The following ADAM12 variants were observed in gnomAD, a reference collection of about 807,000 sequenced individuals.
The protein encoded by ADAM12 is ADAM metallopeptidase domain 12, also known as disintegrin and metalloproteinase domain-containing protein 12.
In ADAM12, 70 loss-of-function variants were observed where a neutral mutation model predicts 106.4. That is an observed-to-expected ratio of 0.66 (90% CI 0.54 to 0.80). ADAM12 has a LOEUF of 0.80. Among genes scored for constraint, ADAM12 ranks in the 30% least tolerant of loss-of-function variants. The probability of loss-of-function intolerance (pLI) is 0.00; values close to 1 mark genes in which losing one functional copy is unlikely to be tolerated. For missense variants in ADAM12, 1,010 were observed against 1,171.9 expected, an observed-to-expected ratio of 0.86 and a Z score of 2.02; for synonymous variants, 420 against 433.5, an observed-to-expected ratio of 0.97 and a Z score of 0.39.
intron 8 of ADAM12, among the ~76,000 whole-genome samples, chr10:126,102,227 G>A (rs2133582561): frequency 6.6e-6 from 1 of 152,182 alleles, no homozygotes; most frequent in South Asian, 2.1e-4. Flanking sequence ...ATGGTTGAGG[G>A]GGCTAGGACA....
chr10:126,094,055 T>C lies in ADAM12; in HGVS notation c.1075A>G (p.Thr359Ala). Residue 359 changes from threonine to alanine, a missense_variant, in exon 11 of 23, where the codon ACA becomes GCA. By Grantham distance (58) the Thr-to-Ala change is moderately conservative (BLOSUM62 0). Coordinates refer to ENST00000448723, the MANE Select transcript of ADAM12 (RefSeq NM_001288973.2). ...TGACAGCTACAGCCCCTGTCCAGTGTGTCATGATTCATCCCGAAATTGTGG... is the reference window on the plus strand; with the variant it reads ...TGACAGCTACAGCCCCTGTCCAGTGCGTCATGATTCATCCCGAAATTGTGG... ...LGHNFGMNHD[T>A]LDRGCSCQMA... The C allele has an allele frequency of 6.2e-7, 1 of 1,614,134 alleles. No homozygotes were observed. Among genetic ancestry groups the C allele is most frequent in the Non-Finnish European group, 8.5e-7 (1 of 1,180,016 alleles).
At chr10:126,097,728 A>G (rs1955583073) in intron 10 of ADAM12, among the ~76,000 whole-genome samples, 1 of 152,154 alleles carries the variant, frequency 6.6e-6, no homozygotes, top group African/African-American at 2.4e-5. Context: ...CTCTCCTTTA[A>G]TTATCTGATG....
At chr10:126,090,739 C>T (rs1214760245) in intron 11 of ADAM12, 2 of 152,216 alleles carry the variant, frequency 1.3e-5, no homozygotes, top group African/African-American at 4.8e-5. Flanking sequence ...TGAAATAGGA[C>T]TCTATCCTTG....
intron 21 of ADAM12, among the ~76,000 whole-genome samples, chr10:126,026,476 T>G (rs1321162001): frequency 6.6e-6 from 1 of 152,192 alleles, no homozygotes; most frequent in Non-Finnish European, 1.5e-5. Context: ...ACAATCTACA[T>G]TCTTATTACT....
intron 1 of ADAM12, among the ~76,000 whole-genome samples, chr10:126,379,547 G>C (rs1243397685): frequency 5.9e-5 from 9 of 152,022 alleles, no homozygotes; most frequent in Non-Finnish European, 1.3e-4. Context: ...CTGTCAGGGG[G>C]ATGGGGAGCT....
chr10:126,227,083 C>A (rs1216294942), intron 3 of ADAM12, among the ~76,000 whole-genome samples: 2 of 152,068 alleles, frequency 1.3e-5, no homozygotes, highest in African/African-American at 2.4e-5. Context: ...GCCCTGTCAC[C>A]ACCACCATCA....
intron 3 of ADAM12, among the ~76,000 whole-genome samples, chr10:126,230,155 G>A (rs1958281602): frequency 6.6e-6 from 1 of 152,046 alleles, no homozygotes; most frequent in African/African-American, 2.4e-5. Context: ...TGATCTTCCA[G>A]CCCCCAAAGC....
chr10:126,029,695 T>C (rs1462401195), intron 21 of ADAM12, among the ~76,000 whole-genome samples: 1 of 152,222 alleles, frequency 6.6e-6, no homozygotes, highest in Non-Finnish European at 1.5e-5. Flanking sequence ...CCTGCACATG[T>C]ACCCCGATCT....
chr10:126,200,978 A>G (rs915799938), intron 3 of ADAM12, among the ~76,000 whole-genome samples: 3 of 152,196 alleles, frequency 2.0e-5, no homozygotes, highest in African/African-American at 4.8e-5. Flanking sequence ...TGGGCAGGGC[A>G]TAAATTTCTC....
chr10:126,068,407 A>G (rs968226944), intron 12 of ADAM12, among the ~76,000 whole-genome samples: 1 of 152,230 alleles, frequency 6.6e-6, no homozygotes, highest in African/African-American at 2.4e-5. Flanking sequence ...CAAATCACCC[A>G]GTAATATAAG....
chr10:126,283,685 T>C (rs1959701700), intron 2 of ADAM12, among the ~76,000 whole-genome samples: 1 of 152,248 alleles, frequency 6.6e-6, no homozygotes, highest in South Asian at 2.1e-4. Context: ...ATTGTGAATT[T>C]GTAGTTATTT....
chr10:126,100,812 T>A lies in ADAM12; in HGVS notation c.911+260A>T, dbSNP rs139739064. 3.9e-4 allele frequency among the ~76,000 whole-genome samples: 59 copies of A among 152,150 alleles called. No homozygotes were observed. The East Asian group carries it at 7.7e-3, about 20-fold the overall frequency. ...TCAGAAAAATTGGTATAGAAGAAAA[T>A]GTCCGGGTTCTAGAAGAAGGAAATG... On this transcript the variant is annotated intron_variant, in intron 9 of 22. Coordinates refer to ENST00000448723, the MANE Select transcript of ADAM12 (RefSeq NM_001288973.2).
intron 3 of ADAM12, among the ~76,000 whole-genome samples, chr10:126,219,692 T>G (rs1958054026): frequency 6.6e-6 from 1 of 152,232 alleles, no homozygotes; most frequent in Non-Finnish European, 1.5e-5. Flanking sequence ...TTAGGTTCTG[T>G]GAGACAATGA....
At chr10:126,297,179 A>G (rs1250210539) in intron 2 of ADAM12, among the ~76,000 whole-genome samples, 1 of 152,220 alleles carries the variant, frequency 6.6e-6, no homozygotes, top group Non-Finnish European at 1.5e-5. Context: ...AAGTATGCAC[A>G]GATATAAGCA....
Position 126,118,248 on chromosome 10 carries a change from A to T in ADAM12, c.417-24T>A, listed in dbSNP as rs755051172. 1.9e-6 allele frequency: 3 copies of T among 1,573,054 alleles called. No homozygotes were observed. In the East Asian group the frequency reaches 6.8e-5, roughly 36 times the overall value. On this transcript the variant is annotated intron_variant, in intron 5 of 22. Transcript: ENST00000448723. ...CCCTGTTGAAAAAGAAACAAGAAAA[A>T]ATATATAATTTTAAGGACAGCTTCT...
intron 10 of ADAM12, among the ~76,000 whole-genome samples, chr10:126,096,042 A>G (rs1385655281): frequency 1.3e-5 from 2 of 152,224 alleles, no homozygotes; most frequent in Non-Finnish European, 2.9e-5. Flanking sequence ...AGGAACCAAG[A>G]TAATCTTACA....
intron 1 of ADAM12, among the ~76,000 whole-genome samples, chr10:126,386,385 T>C (rs1372573063): frequency 6.6e-6 from 1 of 152,200 alleles, no homozygotes; most frequent in Non-Finnish European, 1.5e-5. Context: ...TTTCATTATA[T>C]GTTTGGCGTT....
intron 1 of ADAM12, among the ~76,000 whole-genome samples, chr10:126,336,838 G>A (rs1300732788): frequency 6.6e-6 from 1 of 152,150 alleles, no homozygotes; most frequent in Non-Finnish European, 1.5e-5. Context: ...AGGTGTAAGA[G>A]AAGCAGCATA....
At chr10:126,344,169 T>C (rs1305127577) in intron 1 of ADAM12, among the ~76,000 whole-genome samples, 2 of 152,190 alleles carry the variant, frequency 1.3e-5, no homozygotes, top group Non-Finnish European at 2.9e-5. Context: ...AACATTTAAG[T>C]CTTTAATCCA....
Sources: allele counts gnomAD v4.1 joint callset (sites outside exome capture counted in the v4.1 genomes callset), GRCh38; gene constraint gnomAD v4.1.1; transcripts MANE v1.5; gene names NCBI Gene and HGNC (gene_info 2026-07-23, HGNC 2026-07-21).